Variants in BRWD3 observed in about 807,000 individuals in gnomAD.
BRWD3 encodes the protein bromodomain and WD repeat-containing protein 3.
BRWD3 carries 10 observed loss-of-function variants against 149.7 expected under a neutral mutation model. That is an observed-to-expected ratio of 0.07 (90% CI 0.04 to 0.11). The LOEUF (loss-of-function observed/expected upper bound fraction) is 0.11. Ranked by LOEUF, BRWD3 falls within the 10% of genes least tolerant of loss-of-function variation. The pLI is 1.00. For missense variants in BRWD3, 940 were observed against 1,373.2 expected, an observed-to-expected ratio of 0.68 and a Z score of 4.99; for synonymous variants, 504 against 456.7, an observed-to-expected ratio of 1.10 and a Z score of -1.32.
rs1364423240 is a variant in BRWD3 at position 80,793,784 on chromosome X, T to C, written c.181-12A>G. The C allele has an allele frequency of 5.1e-5, 61 of 1,195,425 alleles. No homozygotes were observed. Among genetic ancestry groups the C allele is most frequent in the Non-Finnish European group, 6.8e-5 (60 of 882,115 alleles). ...GCATTTGCTGCCACCTAAAAAAGTA[T>C]AAATAAAACACAGGAAAAACACATT... On this transcript the variant is annotated splice_polypyrimidine_tract_variant and intron_variant, in intron 4 of 40. Coordinates refer to ENST00000373275, the MANE Select transcript of BRWD3 (RefSeq NM_153252.5).
intron 6 of BRWD3, among the ~76,000 whole-genome samples, chrX:80,781,877 A>C (rs775000945): frequency 1.6e-3 from 177 of 111,995 alleles, no homozygotes; most frequent in African/African-American, 5.2e-3. Context: ...AAAAGGAAAG[A>C]TATTCCATAT....
chrX:80,767,780 C>A (rs1159193129), intron 6 of BRWD3, among the ~76,000 whole-genome samples: 1 of 111,886 alleles, frequency 8.9e-6, no homozygotes, highest in Non-Finnish European at 1.9e-5. Flanking sequence ...ACAAACTTCT[C>A]TGAGCTAAAG....
At position 80,793,707 on chromosome X, in the gene BRWD3, T is replaced by C. The variant is rs1182861642; in HGVS notation, c.246A>G (p.Leu82=). The C allele has an allele frequency of 3.3e-6, 4 of 1,207,336 alleles. No individual in the cohort carries two copies. The highest frequency in any genetic ancestry group is 4.5e-6 in the Non-Finnish European group (4 of 891,640). ...CACTCTGAGGGATCTCTTTATCTAG[T>C]AAAGGACCAATTCTCTCACAAATTT... ...LLKICERIGP[L]LDKEIPQSVP... Residue 82 remains leucine (L), a synonymous_variant, in exon 5 of 41, where the codon TTA becomes TTG. Transcript: ENST00000373275.
At chrX:80,789,528 A>G (rs1429808286) in intron 6 of BRWD3, among the ~76,000 whole-genome samples, 1 of 111,232 alleles carries the variant, frequency 9.0e-6, no homozygotes, top group Non-Finnish European at 1.9e-5. Flanking sequence ...GGCGCGTGCC[A>G]CCACGCCCAG....
chrX:80,767,123 G>A (rs140713268), intron 6 of BRWD3, among the ~76,000 whole-genome samples: 179 of 112,035 alleles, frequency 1.6e-3, no homozygotes, highest in African/African-American at 5.3e-3. Flanking sequence ...TGAACTGGGC[G>A]GAGCCCACCT....
intron 36 of BRWD3, 144 bp downstream of exon 36, chrX:80,685,318 A>T (rs2072506299): frequency 1.9e-6 from 1 of 514,102 alleles, no homozygotes; most frequent in African/African-American, 2.4e-5. Context: ...GAACAAAAAA[A>T]TAAATGACCA....
chrX:80,691,077 C>T lies in BRWD3; in HGVS notation c.3578G>A (p.Arg1193Gln), dbSNP rs754078647. 35 of 1,206,367 alleles carry T rather than the reference C, an allele frequency of 2.9e-5. No individual in the cohort carries two copies. The highest frequency in any genetic ancestry group is 1.1e-4 in the Admixed American group (5 of 45,425). The change falls in exon 31 of 41, where the codon CGG (arginine) becomes CAG (glutamine). Residue 1193 changes from arginine (R) to glutamine (Q), a missense_variant. Arg to Gln is a conservative substitution (Grantham distance 43). Transcript: ENST00000373275. ...CCTGTAAAAGCGATTTTCAAGTCTC[C>T]GCCTGATGGTATTGAGGTCAGTTGG... ...AYPTDLNTIRRRLENRFYRRI... is the reference protein window; with the variant it reads ...AYPTDLNTIRQRLENRFYRRI...
chrX:80,686,366 A>G (rs1036803382), intron 35 of BRWD3, among the ~76,000 whole-genome samples: 21 of 109,538 alleles, frequency 1.9e-4, no homozygotes, highest in Admixed American at 6.9e-4. Context: ...GCATATGTAT[A>G]CGTATGTAAC....
At chrX:80,735,082 C>T in intron 10 of BRWD3, 45 bp downstream of exon 10, 3 of 1,046,495 alleles carry the variant, frequency 2.9e-6, no homozygotes, top group Non-Finnish European at 4.0e-6. Context: ...ACAACTGGAT[C>T]GTTAAATATT....
chrX:80,780,805 G>C lies in BRWD3; in HGVS notation c.430+11049C>G, dbSNP rs938629253. The stretch of plus-strand genomic sequence containing the variant: ...AGTATGATACATAGGCAAGATATAG[G>C]AACTACATAAAATTAGAGAGGGTGA... On this transcript the variant is annotated intron_variant, in intron 6 of 40. Coordinates refer to ENST00000373275, the MANE Select transcript of BRWD3 (RefSeq NM_153252.5). Among the ~76,000 whole-genome samples, 3 of 112,028 alleles carry C rather than the reference G, an allele frequency of 2.7e-5. No individual in the cohort carries two copies. The Admixed American group carries it at 2.8e-4, about 11-fold the overall frequency.
At chrX:80,681,316 G>A (rs1224136199) in intron 40 of BRWD3, 25 bp downstream of exon 40, 1 of 1,190,612 alleles carries the variant, frequency 8.4e-7, no homozygotes. Flanking sequence ...AATAATAAAT[G>A]TCTTGTCCTG....
chrX:80,700,071 C>G lies in BRWD3; in HGVS notation c.2836-7G>C, dbSNP rs2072759249. 8.5e-7 allele frequency: 1 copy of G among 1,178,995 alleles called. No homozygotes were observed. The highest frequency in any genetic ancestry group is 1.2e-6 in the Non-Finnish European group (1 of 869,164). On this transcript the variant is annotated splice_region_variant and splice_polypyrimidine_tract_variant and intron_variant, in intron 24 of 40. Transcript: ENST00000373275. ...CTTGCCTAAAATAGATAAGCTAAAA[C>G]AGAAAACATAAGGTATTAAACAGCA...
intron 11 of BRWD3, 39 bp from the exon 12 acceptor site, chrX:80,733,535 T>C (rs2073363585): frequency 1.9e-6 from 2 of 1,071,842 alleles, no homozygotes; most frequent in Admixed American, 2.2e-5. Context: ...AATGGACTTA[T>C]TTGTAAAATG....
intron 4 of BRWD3, among the ~76,000 whole-genome samples, chrX:80,800,417 C>T (rs1385772812): frequency 9.4e-6 from 1 of 106,823 alleles, no homozygotes; most frequent in African/African-American, 3.4e-5. Context: ...CGGTGCATGC[C>T]TGTAGTCCCA....
rs1034532133 is a variant in BRWD3, at chrX:80,711,308, G to T, written c.2326-1731C>A. Among the ~76,000 whole-genome samples the T allele has an allele frequency of 3.6e-5, 4 of 111,631 alleles. No homozygotes were observed. In the Admixed American group the frequency reaches 3.8e-4, roughly 11 times the overall value. ...GCCTTCTGCAGAGGTGGGCATGGGA[G>T]GGGAGGTTCCATGCCTCACAAACGA... On this transcript the variant is annotated intron_variant, in intron 20 of 40. Transcript: ENST00000373275.
chrX:80,756,456 C>G (rs1347269244), intron 6 of BRWD3, among the ~76,000 whole-genome samples: 1 of 91,302 alleles, frequency 1.1e-5, no homozygotes, highest in Non-Finnish European at 2.1e-5. Flanking sequence ...GAGCCGAGAT[C>G]GCACCATTGT....
At chrX:80,787,886 C>T (rs2074128917) in intron 6 of BRWD3, among the ~76,000 whole-genome samples, 2 of 109,569 alleles carry the variant, frequency 1.8e-5, no homozygotes, top group African/African-American at 6.7e-5. Context: ...AGATCGAGAC[C>T]ATCCTGACTA....
chrX:80,750,854 TTA>T (rs1491401931), intron 6 of BRWD3, among the ~76,000 whole-genome samples: 3 of 47,417 alleles, frequency 6.3e-5, no homozygotes, highest in Non-Finnish European at 1.1e-4. Context: ...TCAATGTGTT[TTA>T]TACACACACA....
chrX:80,710,790 T>A, intron 20 of BRWD3: 1 of 410,554 alleles, frequency 2.4e-6, no homozygotes, highest in Non-Finnish European at 4.5e-6. Flanking sequence ...ATCAGTAGAA[T>A]GGTGGTGGAA....
Sources: gnomAD v4.1 joint callset for allele counts (sites outside exome capture counted in the v4.1 genomes callset) on GRCh38, gnomAD v4.1.1 for gene constraint, MANE v1.5 for transcripts, NCBI Gene and HGNC (gene_info 2026-07-23, HGNC 2026-07-21) for gene names.